The following ULK4 variants were observed in gnomAD, a reference collection of about 807,000 sequenced individuals.
ULK4 encodes unc-51 like kinase 4.
In ULK4, 133 loss-of-function variants were observed where a neutral mutation model predicts 160.6. The observed-to-expected ratio is 0.83, with a 90% CI of 0.72 to 0.96. ULK4 has a LOEUF of 0.96. Ranked by LOEUF, ULK4 falls within the 40% of genes least tolerant of loss-of-function variation. The pLI is 0.00. For synonymous variants in ULK4, 534 were observed against 539.8 expected, an observed-to-expected ratio of 0.99 and a Z score of 0.15; for missense variants, 1,580 against 1,499.5, an observed-to-expected ratio of 1.05 and a Z score of -0.89.
At chr3:41,772,802 A>G (rs1240679952) in intron 21 of ULK4, among the ~76,000 whole-genome samples, 1 of 152,206 alleles carries the variant, frequency 6.6e-6, no homozygotes, top group African/African-American at 2.4e-5. Flanking sequence ...CCTGATGAAC[A>G]CTGATGCAAA....
intron 27 of ULK4, among the ~76,000 whole-genome samples, chr3:41,689,960 TA>T (rs2036231675): frequency 6.7e-6 from 1 of 148,690 alleles, no homozygotes; most frequent in African/African-American, 2.6e-5. Context: ...CAAAGGATTA[TA>T]AATCATGCTG....
intron 30 of ULK4, among the ~76,000 whole-genome samples, chr3:41,658,731 A>ACACACACACACACACACACACTCT (rs1553628707): frequency 0.056 from 7,614 of 135,150 alleles, 680 homozygotes; most frequent in African/African-American, 0.19. Flanking sequence ...AAAACAGTAC[A>ACACACACACACACACACACACTCT]CACACACACA....
rs577221858 is a variant in ULK4 at position 41,550,622 on chromosome 3, C to G, written c.3226+15403G>C. Among the ~76,000 whole-genome samples the G allele has an allele frequency of 3.3e-5, 5 of 152,048 alleles. No individual in the cohort carries two copies. In the East Asian group the frequency reaches 9.6e-4, roughly 29 times the overall value. ...CTAAATGTTTATGTACCCAATGCCA[C>G]AGAACCCAGGTATATAAAGTATTAG... On this transcript the variant is annotated intron_variant, in intron 32 of 36. Transcript: ENST00000301831.
intron 30 of ULK4, among the ~76,000 whole-genome samples, chr3:41,643,134 T>C (rs1455093146): frequency 6.6e-6 from 1 of 152,232 alleles, no homozygotes; most frequent in Non-Finnish European, 1.5e-5. Flanking sequence ...TCTCCCATTT[T>C]GTAGGTTGCC....
At chr3:41,658,758 CAT>C (rs999790791) in intron 30 of ULK4, among the ~76,000 whole-genome samples, 32 of 151,610 alleles carry the variant, frequency 2.1e-4, no homozygotes, top group African/African-American at 6.3e-4. Flanking sequence ...CACACACACA[CAT>C]ATATACTGGC....
Position 41,951,251 on chromosome 3 carries a change from C to A in ULK4, c.138+3371G>T, listed in dbSNP as rs527705386. On this transcript the variant is annotated intron_variant, in intron 2 of 36. Coordinates refer to ENST00000301831, the MANE Select transcript of ULK4 (RefSeq NM_017886.4). Reference sequence around the variant, plus strand: ...ATTAATAATTAACATTCAAATACTACCCAAAATCAATCTATCCAAAGCAAT... The same window carrying A: ...ATTAATAATTAACATTCAAATACTAACCAAAATCAATCTATCCAAAGCAAT... Among the ~76,000 whole-genome samples, 71 of 150,138 alleles carry A rather than the reference C, an allele frequency of 4.7e-4. 1 individual carries two copies. The South Asian group carries it at 0.011, about 23-fold the overall frequency.
rs77180809 is a variant in ULK4 at position 41,391,826 on chromosome 3, T to A, written c.3678+6253A>T. Among the ~76,000 whole-genome samples the A allele has an allele frequency of 6.7e-3, 1,018 of 152,204 alleles. 4 individuals are homozygous for A. Among genetic ancestry groups the A allele is most frequent in the East Asian group, 0.015 (79 of 5,180 alleles). On this transcript the variant is annotated intron_variant, in intron 35 of 36. Coordinates refer to ENST00000301831, the MANE Select transcript of ULK4 (RefSeq NM_017886.4). ...CTTCATGGAATAGATATTTGTAACA[T>A]ATCCTTAATGCTATTCATCTTCAGA...
At chr3:41,484,670 T>C (rs770101446) in intron 32 of ULK4, among the ~76,000 whole-genome samples, 12 of 152,060 alleles carry the variant, frequency 7.9e-5, no homozygotes, top group Non-Finnish European at 1.0e-4. Context: ...GCCAGGATGG[T>C]CTTGATCTCC....
chr3:41,806,557 G>T (rs905123226), intron 19 of ULK4, among the ~76,000 whole-genome samples: 1 of 152,028 alleles, frequency 6.6e-6, no homozygotes, highest in African/African-American at 2.4e-5. Context: ...TGCTTTTCTA[G>T]TTCTTTTAAT....
chr3:41,419,898 C>T (rs1381331804), intron 34 of ULK4, among the ~76,000 whole-genome samples: 38 of 151,810 alleles, frequency 2.5e-4, no homozygotes, highest in Admixed American at 2.5e-3. Context: ...CACTGCCCAC[C>T]GCCACTGTGA....
At chr3:41,663,940 TG>T (rs1443988496) in intron 29 of ULK4, among the ~76,000 whole-genome samples, 1 of 152,208 alleles carries the variant, frequency 6.6e-6, no homozygotes, top group Non-Finnish European at 1.5e-5. Flanking sequence ...ACTCAGTAGT[TG>T]TCCTCACTTA....
chr3:41,532,605 G>C (rs2086359479), intron 32 of ULK4, among the ~76,000 whole-genome samples: 1 of 152,124 alleles, frequency 6.6e-6, no homozygotes. Flanking sequence ...TAATGAACTA[G>C]ATCTGGGGTG....
chr3:41,522,974 C>T (rs1416736211), intron 32 of ULK4, among the ~76,000 whole-genome samples: 4 of 152,230 alleles, frequency 2.6e-5, no homozygotes, highest in Non-Finnish European at 2.9e-5. Flanking sequence ...TACAGTGGCA[C>T]GATCTCTGCT....
chr3:41,727,908 G>T (rs1347480184), intron 22 of ULK4, among the ~76,000 whole-genome samples: 2 of 152,146 alleles, frequency 1.3e-5, no homozygotes, highest in Non-Finnish European at 2.9e-5. Context: ...ATTTTTTCAA[G>T]GTACAAATAA....
At chr3:41,955,645 CA>C in intron 1 of ULK4, 1 of 156,452 alleles carries the variant, frequency 6.4e-6, no homozygotes. Flanking sequence ...TTTCCAAGGA[CA>C]AACGGCCCTC....
At chr3:41,462,975 C>T in intron 33 of ULK4, 112 bp downstream of exon 33, 1 of 1,283,098 alleles carries the variant, frequency 7.8e-7, no homozygotes, top group Non-Finnish European at 1.1e-6. Context: ...TAGAATTATA[C>T]ATTCTTTTAA....
At chr3:41,776,605 TA>T (rs2039636575) in intron 21 of ULK4, among the ~76,000 whole-genome samples, 1 of 115,248 alleles carries the variant, frequency 8.7e-6, no homozygotes, top group African/African-American at 3.0e-5. Context: ...CATCAATACC[TA>T]ATTTATTGAA....
chr3:41,461,494 T>C (rs1316311404), intron 33 of ULK4, among the ~76,000 whole-genome samples: 1 of 152,106 alleles, frequency 6.6e-6, no homozygotes, highest in African/African-American at 2.4e-5. Flanking sequence ...GAGATCAAAG[T>C]CAGTGGTCAA....
At chr3:41,630,611 C>G (rs576401060) in intron 30 of ULK4, among the ~76,000 whole-genome samples, 2 of 152,290 alleles carry the variant, frequency 1.3e-5, no homozygotes, top group African/African-American at 4.8e-5. Flanking sequence ...TTAATTACAT[C>G]TGCAATATCC....
Sources: allele counts gnomAD v4.1 joint callset (sites outside exome capture counted in the v4.1 genomes callset), GRCh38; gene constraint gnomAD v4.1.1; transcripts MANE v1.5; gene names NCBI Gene and HGNC (gene_info 2026-07-23, HGNC 2026-07-21).